Variants in STAG3 observed in about 807,000 individuals in gnomAD.
The protein encoded by STAG3 is cohesin subunit SA-3.
In STAG3, 101 loss-of-function variants were observed where a neutral mutation model predicts 160.7. That is an observed-to-expected ratio of 0.63 (90% CI 0.54 to 0.74). The LOEUF is 0.74. STAG3 is among the 30% of genes least tolerant of loss of function. The pLI is 0.00. For synonymous variants in STAG3, 519 were observed against 585.0 expected (o/e 0.89, Z 1.63); for missense variants, 1,188 against 1,517.4 (o/e 0.78, Z 3.61).
chr7:100,194,555 G>T (rs889674958), intron 8 of STAG3, among the ~76,000 whole-genome samples: 2 of 152,212 alleles, frequency 1.3e-5, no homozygotes, highest in Non-Finnish European at 2.9e-5. Flanking sequence ...GGGAGAGTGA[G>T]GTGGAAGGAT....
At chr7:100,189,964 C>T (rs1320251062) in intron 8 of STAG3, among the ~76,000 whole-genome samples, 2 of 152,068 alleles carry the variant, frequency 1.3e-5, no homozygotes, top group Non-Finnish European at 2.9e-5. Flanking sequence ...AAAAGCCAAC[C>T]ATTGACAAGG....
Position 100,182,173 on chromosome 7 carries a change from G to A in STAG3, c.200G>A (p.Arg67Gln), listed in dbSNP as rs775358985. The change falls in exon 3 of 34, where the codon CGA becomes CAA. Residue 67 changes from arginine to glutamine, a missense_variant. Around this residue, in one of 4 missense-constraint regions of STAG3, gnomAD observed 296 missense variants for 404.0 expected, o/e 0.73. Transcript: ENST00000615138. The stretch of plus-strand genomic sequence containing the variant: ...AATGTGAAGAAGAGAGCAGCAAAAC[G>A]ACCACCGAAAACAACACCGGTGAGT... Reference protein sequence around the residue: ...NRNVKKRAAKRPPKTTPVAKH... With the variant: ...NRNVKKRAAKQPPKTTPVAKH... The A allele has an allele frequency of 1.6e-4, 254 of 1,612,110 alleles. No individual in the cohort carries two copies. Among genetic ancestry groups the A allele is most frequent in the Non-Finnish European group, 2.0e-4 (233 of 1,179,700 alleles).
chr7:100,182,108 A>G lies in STAG3; in HGVS notation c.135A>G (p.Leu45=), dbSNP rs1799683194. Residue 45 remains leucine, a synonymous_variant, in exon 3 of 34, where the codon TTA becomes TTG. Transcript: ENST00000615138. ...CTCACAGGAATGGCGACTCTTTGTT[A>G]GCTGATGAAGACACTGACTTTGAAG... ...HTSEGNGDSL[L]ADEDTDFEDS... 6.2e-7 allele frequency: 1 copy of G among 1,613,882 alleles called. No individual in the cohort carries two copies. The highest frequency in any genetic ancestry group is 2.2e-5 in the East Asian group (1 of 44,878).
intron 9 of STAG3, among the ~76,000 whole-genome samples, 180 bp downstream of exon 9, chr7:100,195,562 C>T (rs1435820144): frequency 6.6e-6 from 1 of 152,214 alleles, no homozygotes; most frequent in African/African-American, 2.4e-5. Context: ...TTTATCACCA[C>T]CTACAAAGGA....
intron 8 of STAG3, among the ~76,000 whole-genome samples, chr7:100,193,462 T>C (rs1248271101): frequency 6.6e-6 from 1 of 152,238 alleles, no homozygotes; most frequent in African/African-American, 2.4e-5. Flanking sequence ...GGCAGTTTAG[T>C]CCACATTGAA....
intron 29 of STAG3, 89 bp downstream of exon 29, chr7:100,205,473 C>T (rs1258257340): frequency 1.6e-6 from 2 of 1,284,008 alleles, no homozygotes; most frequent in Middle Eastern, 2.7e-4. Context: ...CATTGAGCAT[C>T]TACTGTCATT....
intron 29 of STAG3, among the ~76,000 whole-genome samples, chr7:100,210,535 C>T (rs1802083532): frequency 1.3e-5 from 2 of 152,124 alleles, no homozygotes; most frequent in South Asian, 4.1e-4. Flanking sequence ...TCCGGTTCCT[C>T]CCTGGCCCTC....
chr7:100,215,973 G>A (rs1362165724), downstream of STAG3, among the ~76,000 whole-genome samples: 2 of 152,184 alleles, frequency 1.3e-5, no homozygotes, highest in Admixed American at 6.5e-5. Flanking sequence ...AGCAGCCAAA[G>A]GAAAAGGCCA....
At chr7:100,190,536 G>A (rs1444617161) in intron 8 of STAG3, among the ~76,000 whole-genome samples, 3 of 152,122 alleles carry the variant, frequency 2.0e-5, no homozygotes, top group South Asian at 2.1e-4. Context: ...ACACTAGTGC[G>A]AATCTTTTCT....
chr7:100,202,053 C>A lies in STAG3; in HGVS notation c.2394+12C>A. 1 of 1,614,046 alleles carries A rather than the reference C, an allele frequency of 6.2e-7. No homozygotes were observed. Among genetic ancestry groups the A allele is most frequent in the African/African-American group, 1.3e-5 (1 of 75,044 alleles). ...AGATCCAGGAGCAGGTGAGTACTGA[C>A]TCAAGTGGGAGCAACAAGGCGAGTA... On this transcript the variant is annotated intron_variant, in intron 23 of 33. Coordinates refer to ENST00000615138, the MANE Select transcript of STAG3 (RefSeq NM_001282717.2).
intron 3 of STAG3, among the ~76,000 whole-genome samples, 161 bp downstream of exon 3, chr7:100,182,353 C>T (rs1464195522): frequency 2.7e-5 from 4 of 148,662 alleles, no homozygotes; most frequent in African/African-American, 5.0e-5. Context: ...AGCGAGACTC[C>T]GTCTCAAAAA....
chr7:100,195,658 A>G (rs991235785), intron 9 of STAG3, among the ~76,000 whole-genome samples: 5 of 152,120 alleles, frequency 3.3e-5, no homozygotes, highest in African/African-American at 9.7e-5. Context: ...ATCTGCCCCA[A>G]CTCCTCATCT....
intron 5 of STAG3, among the ~76,000 whole-genome samples, chr7:100,187,810 G>A (rs1384062438): frequency 6.7e-6 from 1 of 148,696 alleles, no homozygotes; most frequent in Non-Finnish European, 1.5e-5. Flanking sequence ...AGGCTGGAGT[G>A]CAGTAGTGCG....
rs200378043 is a variant in STAG3 at position 100,201,123 on chromosome 7, C to T, written c.2095C>T (p.Leu699=). 293 of 1,614,240 alleles carry T rather than the reference C, an allele frequency of 1.8e-4. 5 individuals are homozygous for T. The Admixed American group carries it at 4.8e-3, about 26-fold the overall frequency. The change falls in exon 20 of 34, where the codon CTG becomes TTG. Residue 699 remains leucine (L), a synonymous_variant. Transcript: ENST00000615138. ...CCTAGATGAGGATGAGGTATATAATCTGGCAGCCACTCTGAAACGCCTCTC... is the reference window on the plus strand; with the variant it reads ...CCTAGATGAGGATGAGGTATATAATTTGGCAGCCACTCTGAAACGCCTCTC... ...SFLDEDEVYN[L]AATLKRLSAF... is the part of the protein sequence containing the mutation.
chr7:100,211,448 G>A lies in STAG3; in HGVS notation c.3427G>A (p.Ala1143Thr), dbSNP rs199936186. ...CTTCATTCCCAGCAGTCAGCCCGTC[G>A]CAGGCACCGAGAGGTCAAGGTTCTT... Reference protein sequence around the residue: ...LDFAQGSQPVAGTERSRFLGP... With the variant: ...LDFAQGSQPVTGTERSRFLGP... Residue 1143 changes from alanine to threonine, a missense_variant, in exon 31 of 34, where the codon GCA (alanine) becomes ACA (threonine). Ala to Thr is a moderately conservative substitution (Grantham distance 58). Coordinates refer to ENST00000615138, the MANE Select transcript of STAG3 (RefSeq NM_001282717.2). The A allele has an allele frequency of 2.5e-5, 40 of 1,613,540 alleles. No homozygotes were observed. The Admixed American group carries it at 3.5e-4, about 14-fold the overall frequency.
intron 29 of STAG3, among the ~76,000 whole-genome samples, chr7:100,206,672 A>G (rs1326127465): frequency 6.6e-6 from 1 of 151,908 alleles, no homozygotes; most frequent in Non-Finnish European, 1.5e-5. Flanking sequence ...GGGTTTCACC[A>G]TGTTGGCCAG....
intron 29 of STAG3, among the ~76,000 whole-genome samples, chr7:100,206,532 C>A (rs1394997584): frequency 6.6e-6 from 1 of 151,748 alleles, no homozygotes; most frequent in Admixed American, 6.6e-5. Flanking sequence ...AGTCCAGTGG[C>A]GTGATCTCGA....
In STAG3 at chr7:100,199,243, C is replaced by T. The variant is rs377480990; in HGVS notation, c.1468-19C>T. The T allele has an allele frequency of 1.5e-4, 230 of 1,530,020 alleles. No individual in the cohort carries two copies. Among genetic ancestry groups the T allele is most frequent in the Non-Finnish European group, 2.5e-5 (28 of 1,103,456 alleles). The allele number at this position is 1,530,020 out of a possible 1,614,324, so 94.8% of individuals were successfully genotyped here. A position where few individuals can be genotyped will look rare whatever the true frequency, so the allele number is the denominator to read the frequency against. ...TTTTAACATGCTATCATTAACTCCC[C>T]ATGCACGTTCTCCCCTAGCTCCATG... On this transcript the variant is annotated intron_variant, in intron 14 of 33. Transcript: ENST00000615138.
At chr7:100,186,157 C>A in intron 4 of STAG3, 43 bp from the exon 5 acceptor site, 2 of 1,466,908 alleles carry the variant, frequency 1.4e-6, no homozygotes, top group Non-Finnish European at 1.9e-6. Context: ...TCTATTCTGT[C>A]ATATTGCCAG....
Sources: gnomAD v4.1 joint callset for allele counts (sites outside exome capture counted in the v4.1 genomes callset) on GRCh38, gnomAD v4.1.1 for gene constraint, gnomAD v4.1.1 regional missense constraint, MANE v1.5 for transcripts, NCBI Gene and HGNC (gene_info 2026-07-23, HGNC 2026-07-21) for gene names.